The following CAMK2B variants were observed in gnomAD, a reference collection of about 807,000 sequenced individuals.
CAMK2B encodes the protein calcium/calmodulin dependent protein kinase II beta.
CAMK2B carries 27 observed loss-of-function variants against 93.7 expected under a neutral mutation model. The observed-to-expected ratio is 0.29, with a 90% CI of 0.21 to 0.40. CAMK2B has a LOEUF of 0.40. Ranked by LOEUF, CAMK2B falls within the 10% of genes least tolerant of loss-of-function variation. The pLI is 1.00. For synonymous variants in CAMK2B, 374 were observed against 358.8 expected (o/e 1.04, Z -0.48); for missense variants, 568 against 895.8 (o/e 0.63, Z 4.67).
intron 5 of CAMK2B, among the ~76,000 whole-genome samples, chr7:44,250,527 CTTTTT>C (rs36056008): frequency 3.7e-4 from 43 of 117,802 alleles, no homozygotes; most frequent in African/African-American, 1.3e-3. Flanking sequence ...AGTGACATTG[CTTTTT>C]TTTTTTTTTT....
chr7:44,286,462 G>A lies in CAMK2B; in HGVS notation c.66-2237C>T, dbSNP rs111932383. Reference sequence around the variant, plus strand: ...CGTATGGCACCGCTGTGTCGAGCCCGTCCCCGGAGCAGGGAGGAGACCCAA... The same window carrying A: ...CGTATGGCACCGCTGTGTCGAGCCCATCCCCGGAGCAGGGAGGAGACCCAA... On this transcript the variant is annotated intron_variant, in intron 1 of 23. Transcript: ENST00000395749. The surrounding 1 kb of genome is among the most constrained non-coding windows in gnomAD (Gnocchi z 4.0). Among the ~76,000 whole-genome samples the A allele has an allele frequency of 0.022, 3,380 of 152,246 alleles. 53 individuals are homozygous for A. The highest frequency in any genetic ancestry group is 0.065 in the Middle Eastern group (19 of 294).
intron 1 of CAMK2B, among the ~76,000 whole-genome samples, chr7:44,295,018 T>G (rs534539644): frequency 2.0e-5 from 3 of 152,164 alleles, no homozygotes; most frequent in Non-Finnish European, 2.9e-5. Context: ...AAGTAGAGAT[T>G]AGAAAGATGG....
Position 44,279,895 on chromosome 7 carries a change from C to T in CAMK2B, c.160+4236G>A, listed in dbSNP as rs536618001. The stretch of plus-strand genomic sequence containing the variant: ...TACTCATCCCTCAACGCCCATGCAA[C>T]ACAACTTTTGGAGTGAACGAGCACA... On this transcript the variant is annotated intron_variant, in intron 2 of 23. Transcript: ENST00000395749. Among the ~76,000 whole-genome samples the T allele has an allele frequency of 1.2e-4, 18 of 152,366 alleles. No homozygotes were observed. The East Asian group carries it at 3.5e-3, about 29-fold the overall frequency.
Position 44,225,114 on chromosome 7 carries a change from C to T in CAMK2B, c.1597+1402G>A, listed in dbSNP as rs945006287. Among the ~76,000 whole-genome samples, 3 of 152,064 alleles carry T rather than the reference C, an allele frequency of 2.0e-5. No homozygotes were observed. The highest frequency in any genetic ancestry group is 7.2e-5 in the African/African-American group (3 of 41,392). ...CCTGAAGGTGAGCCTGGACACCGAG[C>T]CCCGAGCTGGCCACTCCACACCCAC... On this transcript the variant is annotated intron_variant, in intron 20 of 23. Transcript: ENST00000395749. This position sits in a 1 kb window ranked among gnomAD's most constrained non-coding sequence, Gnocchi z 5.0.
chr7:44,252,911 G>A (rs954610132), intron 5 of CAMK2B, among the ~76,000 whole-genome samples: 6 of 152,224 alleles, frequency 3.9e-5, no homozygotes, highest in African/African-American at 1.4e-4. Flanking sequence ...AGGCTGTTCT[G>A]CAAACTACAA....
At chr7:44,228,397 T>C (rs1038267297) in intron 19 of CAMK2B, among the ~76,000 whole-genome samples, 1 of 152,034 alleles carries the variant, frequency 6.6e-6, no homozygotes, top group Non-Finnish European at 1.5e-5. Flanking sequence ...GTGCAGCTCC[T>C]GGGCACCATG....
In CAMK2B at chr7:44,275,649, T is replaced by C. The variant is rs978527240; in HGVS notation, c.160+8482A>G. ...GTTTAAGTAAGTGTGTCCCACGCAA[T>C]TTGGGACACACAGTGCTTATTTTAC... On this transcript the variant is annotated intron_variant, in intron 2 of 23. Coordinates refer to ENST00000395749, the MANE Select transcript of CAMK2B (RefSeq NM_001220.5). Among the ~76,000 whole-genome samples, 3 of 152,214 alleles carry C rather than the reference T, an allele frequency of 2.0e-5. 1 individual carries two copies. The highest frequency in any genetic ancestry group is 7.2e-5 in the African/African-American group (3 of 41,450).
chr7:44,265,962 G>T (rs961514527), intron 2 of CAMK2B, among the ~76,000 whole-genome samples: 2 of 150,932 alleles, frequency 1.3e-5, no homozygotes, highest in African/African-American at 4.9e-5. Flanking sequence ...TCGGTGGCAG[G>T]ATTATGGCTA....
intron 2 of CAMK2B, among the ~76,000 whole-genome samples, chr7:44,282,071 C>T (rs76145764): frequency 3.9e-5 from 6 of 152,266 alleles, no homozygotes; most frequent in South Asian, 2.1e-4. Context: ...CACGTAGACA[C>T]GTGTGTGAAC....
At chr7:44,242,130 A>T in intron 10 of CAMK2B, 88 bp downstream of exon 10, 1 of 1,472,520 alleles carries the variant, frequency 6.8e-7, no homozygotes, top group East Asian at 2.3e-5. Flanking sequence ...CAGGAACAGG[A>T]CCCTCTTGGG....
intron 1 of CAMK2B, 136 bp downstream of exon 1, chr7:44,325,221 T>A: frequency 3.1e-6 from 1 of 322,962 alleles, no homozygotes; most frequent in South Asian, 1.2e-4. Flanking sequence ...CGCGGGGCCG[T>A]GCGCTTGGGC....
Position 44,248,513 on chromosome 7 carries a change from G to A in CAMK2B, c.342-1321C>T, listed in dbSNP as rs950863966. Among the ~76,000 whole-genome samples, 1 of 152,156 alleles carries A rather than the reference G, an allele frequency of 6.6e-6. No homozygotes were observed. The highest frequency in any genetic ancestry group is 1.5e-5 in the Non-Finnish European group (1 of 68,026). ...CTGGAGGCATTTGCCACAGGCTGCC[G>A]ATGCCCACCTGCCTGGGGTCTCAGT... On this transcript the variant is annotated intron_variant, in intron 5 of 23. Coordinates refer to ENST00000395749, the MANE Select transcript of CAMK2B (RefSeq NM_001220.5). This position sits in a 1 kb window ranked among gnomAD's most constrained non-coding sequence, Gnocchi z 4.1.
chr7:44,233,978 G>A (rs1414988916), intron 15 of CAMK2B, among the ~76,000 whole-genome samples: 1 of 152,240 alleles, frequency 6.6e-6, no homozygotes, highest in African/African-American at 2.4e-5. Flanking sequence ...CCAGACCTTC[G>A]GAGTGGTCTG....
intron 20 of CAMK2B, 115 bp downstream of exon 20, chr7:44,226,401 C>A: frequency 1.2e-6 from 1 of 847,296 alleles, no homozygotes; most frequent in Non-Finnish European, 1.7e-6. Flanking sequence ...GCAGAGGGAT[C>A]CTGTGCCCCG....
At chr7:44,294,452 T>C (rs1399075722) in intron 1 of CAMK2B, among the ~76,000 whole-genome samples, 1 of 152,184 alleles carries the variant, frequency 6.6e-6, no homozygotes, top group Non-Finnish European at 1.5e-5. Context: ...TGGGCAGTGC[T>C]TGCCCAGGGA....
At position 44,319,452 on chromosome 7, in the gene CAMK2B, C is replaced by T. The variant is rs563417095; in HGVS notation, c.65+5905G>A. ...TTAAGTAGAAGATACAAAACCTAAA[C>T]ATTGCATATCTCTCCCCTCTGCTCT... On this transcript the variant is annotated intron_variant, in intron 1 of 23. Transcript: ENST00000395749. Among the ~76,000 whole-genome samples the T allele has an allele frequency of 3.9e-5, 6 of 152,320 alleles. No homozygotes were observed. The East Asian group carries it at 1.2e-3, about 29-fold the overall frequency.
chr7:44,249,139 G>A (rs2096756940), intron 5 of CAMK2B, among the ~76,000 whole-genome samples: 1 of 152,172 alleles, frequency 6.6e-6, no homozygotes, highest in Non-Finnish European at 1.5e-5. Context: ...TACTTCCCAT[G>A]CTGCCCTCAT....
chr7:44,224,178 G>A lies in CAMK2B; in HGVS notation c.1597+2338C>T, dbSNP rs567643124. ...GTGCTGAAGTACGGGAAGCAGGTCC[G>A]TTGTGAGACCCACCCACCCATTCCA... On this transcript the variant is annotated intron_variant, in intron 20 of 23. Transcript: ENST00000395749. This position sits in a 1 kb window ranked among gnomAD's most constrained non-coding sequence, Gnocchi z 4.4. Among the ~76,000 whole-genome samples, 2 of 152,316 alleles carry A rather than the reference G, an allele frequency of 1.3e-5. No homozygotes were observed. The highest frequency in any genetic ancestry group is 1.9e-4 in the East Asian group (1 of 5,184).
chr7:44,254,699 T>A, intron 4 of CAMK2B, 92 bp from the exon 5 acceptor site: 1 of 679,990 alleles, frequency 1.5e-6, no homozygotes, highest in Admixed American at 2.3e-5. Flanking sequence ...CCATCACCAC[T>A]ATCATCACCA....
Sources: gnomAD v4.1 joint callset for allele counts (sites outside exome capture counted in the v4.1 genomes callset) on GRCh38, gnomAD v4.1.1 for gene constraint, Gnocchi (gnomAD v3.1) non-coding constraint, MANE v1.5 for transcripts, NCBI Gene and HGNC (gene_info 2026-07-23, HGNC 2026-07-21) for gene names.